The following RGS22 variants were observed in gnomAD, a reference collection of about 807,000 sequenced individuals.
RGS22 encodes regulator of G protein signaling 22.
A neutral mutation model predicts 172.9 loss-of-function variants in RGS22; 148 were observed. The ratio of observed to expected loss-of-function variants is 0.86; its 90% CI spans 0.75 to 0.98. The LOEUF (loss-of-function observed/expected upper bound fraction) is 0.98. Ranked by LOEUF, RGS22 falls within the 50% of genes least tolerant of loss-of-function variation. RGS22 has a pLI of 0.00. For missense variants in RGS22, 1,347 were observed against 1,440.8 expected (o/e 0.93, Z 1.05); for synonymous variants, 458 against 480.2 (o/e 0.95, Z 0.60).
rs191546975 is a variant in RGS22, at chr8:100,084,980, G to A, written c.118-4625C>T. Among the ~76,000 whole-genome samples, 363 of 152,264 alleles carry A rather than the reference G, an allele frequency of 2.4e-3. 3 individuals are homozygous for A. Among genetic ancestry groups the A allele is most frequent in the African/African-American group, 8.4e-3 (347 of 41,536 alleles). On this transcript the variant is annotated intron_variant, in intron 3 of 27. Coordinates refer to ENST00000360863, the MANE Select transcript of RGS22 (RefSeq NM_015668.5). The stretch of plus-strand genomic sequence containing the variant: ...AATACTAGAATATTATGTCTGGTCT[G>A]GTTATCACACTTTAAAAGGGATTTG...
intron 3 of RGS22, among the ~76,000 whole-genome samples, chr8:100,086,759 T>C (rs1378008754): frequency 1.3e-5 from 2 of 152,092 alleles, no homozygotes. Flanking sequence ...CCCCTCCGTA[T>C]AACAAAATCT....
chr8:100,055,553 C>G (rs1822153029), intron 9 of RGS22, among the ~76,000 whole-genome samples: 1 of 152,166 alleles, frequency 6.6e-6, no homozygotes, highest in Non-Finnish European at 1.5e-5. Context: ...ACTACAATAT[C>G]TACCTCATAT....
chr8:100,000,951 T>C (rs1814975342), intron 18 of RGS22, among the ~76,000 whole-genome samples: 1 of 151,936 alleles, frequency 6.6e-6, no homozygotes, highest in Non-Finnish European at 1.5e-5. Context: ...TTTTCTTTAA[T>C]TTACTGAATT....
chr8:100,063,725 A>T lies in RGS22; in HGVS notation c.1043T>A (p.Ile348Lys). Residue 348 changes from isoleucine to lysine, a missense_variant, in exon 8 of 28, where the codon ATA becomes AAA. Ile to Lys is a moderately radical substitution (Grantham distance 102). Coordinates refer to ENST00000360863, the MANE Select transcript of RGS22 (RefSeq NM_015668.5). ...ACAATCATCAAATGACACTTTTGTTATATTGTTGAAGTTTATATAGTCTGG... is the reference window on the plus strand; with the variant it reads ...ACAATCATCAAATGACACTTTTGTTTTATTGTTGAAGTTTATATAGTCTGG... Reference protein sequence around the residue: ...ETPDYINFNNITKVSFDDCFE... With the variant: ...ETPDYINFNNKTKVSFDDCFE... 1 of 1,613,988 alleles carries T rather than the reference A, an allele frequency of 6.2e-7. No individual in the cohort carries two copies. Among genetic ancestry groups the T allele is most frequent in the Non-Finnish European group, 8.5e-7 (1 of 1,179,942 alleles).
At chr8:100,076,627 T>C (rs1033768473) in intron 4 of RGS22, among the ~76,000 whole-genome samples, 2 of 152,250 alleles carry the variant, frequency 1.3e-5, no homozygotes, top group Non-Finnish European at 2.9e-5. Context: ...TGAATCCAAC[T>C]TCTGTAATAG....
intron 2 of RGS22, among the ~76,000 whole-genome samples, chr8:100,095,048 G>C (rs1187344789): frequency 6.6e-6 from 1 of 152,112 alleles, no homozygotes; most frequent in African/African-American, 2.4e-5. Context: ...CATAGCACCT[G>C]GTGGACGTAA....
At chr8:100,016,978 C>G (rs1296996536) in intron 14 of RGS22, among the ~76,000 whole-genome samples, 2 of 36,110 alleles carry the variant, frequency 5.5e-5, no homozygotes, top group African/African-American at 1.8e-4. Context: ...CCTTACCAGT[C>G]TTTTTTTTTT....
Position 100,009,424 on chromosome 8 carries a change from CAAAAA to C in RGS22, c.2167-860_2167-856del, listed in dbSNP as rs1238317237. 1.3e-4 allele frequency among the ~76,000 whole-genome samples: 6 copies of C among 45,676 alleles called. 1 individual carries two copies. The highest frequency in any genetic ancestry group is 1.5e-4 in the Non-Finnish European group (3 of 20,582). The allele number at this position is 45,676 out of a possible 152,430, so 30.0% of individuals were successfully genotyped here. A position where few individuals can be genotyped will look rare whatever the true frequency, so the allele number is the denominator to read the frequency against. On this transcript the variant is annotated intron_variant, in intron 14 of 27. Transcript: ENST00000360863. ...TGGGTGACAAAGTGAGACTCCACCT[CAAAAA>C]AAAAAAAAAAAAAAAGAGTGAATGG...
chr8:99,984,774 T>C lies in RGS22; in HGVS notation c.3181-2658A>G, dbSNP rs186436795. Among the ~76,000 whole-genome samples, 618 of 147,806 alleles carry C rather than the reference T, an allele frequency of 4.2e-3. 5 individuals are homozygous for C. Among genetic ancestry groups the C allele is most frequent in the Non-Finnish European group, 4.4e-3 (299 of 67,536 alleles). On this transcript the variant is annotated intron_variant, in intron 21 of 27. Transcript: ENST00000360863. ...AAATATTTGTTGGATAAATAAATCC[T>C]TCCAGTCTTTACGGACACACACACA... is the stretch of plus-strand genomic sequence containing the variant.
intron 16 of RGS22, 153 bp from the exon 17 acceptor site, chr8:100,004,251 G>T: frequency 1.9e-6 from 1 of 537,438 alleles, no homozygotes. Context: ...ATCTGGTAAA[G>T]AATCTGATTC....
chr8:100,033,235 T>C (rs1256023004), intron 14 of RGS22, among the ~76,000 whole-genome samples: 1 of 151,950 alleles, frequency 6.6e-6, no homozygotes, highest in Non-Finnish European at 1.5e-5. Flanking sequence ...CAGGAGCTGG[T>C]TTTTTGAAAA....
chr8:100,021,195 G>A (rs759767045), intron 14 of RGS22, among the ~76,000 whole-genome samples: 9 of 152,106 alleles, frequency 5.9e-5, no homozygotes, highest in Admixed American at 5.9e-4. Context: ...TATATACCAA[G>A]TCACACCAGA....
At chr8:99,984,036 C>A (rs758388010) in intron 21 of RGS22, among the ~76,000 whole-genome samples, 7 of 152,196 alleles carry the variant, frequency 4.6e-5, no homozygotes, top group Non-Finnish European at 8.8e-5. Flanking sequence ...GTAATCCCAA[C>A]AATTTGGGAG....
intron 22 of RGS22, 87 bp from the exon 23 acceptor site, chr8:99,978,162 A>C (rs1588891562): frequency 2.8e-6 from 2 of 701,756 alleles, no homozygotes; most frequent in East Asian, 6.7e-5. Flanking sequence ...TAACTATTAT[A>C]TCTTTAATAT....
At position 100,013,241 on chromosome 8, in the gene RGS22, G is replaced by A. The variant is rs565830090; in HGVS notation, c.2167-4672C>T. 7.2e-5 allele frequency among the ~76,000 whole-genome samples: 11 copies of A among 152,066 alleles called. 1 individual carries two copies. The South Asian group carries it at 2.1e-3, about 29-fold the overall frequency. On this transcript the variant is annotated intron_variant, in intron 14 of 27. Transcript: ENST00000360863. ...CCTGACCTCGTGATCCGCCCGCCTC[G>A]GCCTCCCAAAGTGCTTGGATTACAG...
At position 100,071,435 on chromosome 8, in the gene RGS22, T is replaced by C; in HGVS notation, c.528A>G (p.Leu176=). 1 of 1,613,304 alleles carries C rather than the reference T, an allele frequency of 6.2e-7. No homozygotes were observed. The highest frequency in any genetic ancestry group is 8.5e-7 in the Non-Finnish European group (1 of 1,179,524). ...SPWIVKKPPS[L]PPPATEEDNL... is the part of the protein sequence containing the mutation. ...TATCTTCTTCAGTGGCAGGAGGTGG[T>C]AGACTGGGTGGTTTTTTCACGATCC... Residue 176 remains leucine (L), a synonymous_variant, in exon 6 of 28, where the codon CTA becomes CTG. Transcript: ENST00000360863.
intron 12 of RGS22, among the ~76,000 whole-genome samples, chr8:100,041,236 C>G (rs565227947): frequency 6.6e-5 from 10 of 152,234 alleles, no homozygotes; most frequent in African/African-American, 2.4e-4. Context: ...TGCCTGTAAT[C>G]CCAGCACTTT....
chr8:100,082,101 C>A (rs1408867199), intron 3 of RGS22, among the ~76,000 whole-genome samples: 1 of 152,046 alleles, frequency 6.6e-6, no homozygotes, highest in Non-Finnish European at 1.5e-5. Context: ...CCCTAGTAAT[C>A]AATCTTACTT....
chr8:100,086,407 CCT>C (rs1420176147), intron 3 of RGS22, among the ~76,000 whole-genome samples: 1 of 152,086 alleles, frequency 6.6e-6, no homozygotes, highest in Non-Finnish European at 1.5e-5. Flanking sequence ...ATCACCATCA[CCT>C]GAGATCCTGT....
Sources: gnomAD v4.1 joint callset for allele counts (sites outside exome capture counted in the v4.1 genomes callset) on GRCh38, gnomAD v4.1.1 for gene constraint, MANE v1.5 for transcripts, NCBI Gene and HGNC (gene_info 2026-07-23, HGNC 2026-07-21) for gene names.